Variants in CEP164 observed in about 807,000 individuals in gnomAD.
CEP164 encodes the protein centrosomal protein of 164 kDa.
Under a neutral mutation model 182.7 loss-of-function variants are expected in CEP164, and 162 were observed. That is an observed-to-expected ratio of 0.89 (90% CI 0.78 to 1.01). CEP164 has a LOEUF of 1.01. Among genes scored for constraint, CEP164 ranks in the 50% least tolerant of loss-of-function variants. The probability of loss-of-function intolerance (pLI) is 0.00; values close to 1 mark genes in which losing one functional copy is unlikely to be tolerated. For missense variants in CEP164, 1,735 were observed against 1,790.4 expected (o/e 0.97, Z 0.56); for synonymous variants, 661 against 690.0 (o/e 0.96, Z 0.66).
At chr11:117,355,165 C>T (rs1382072997) in intron 5 of CEP164, 2 of 1,289,880 alleles carry the variant, frequency 1.6e-6, no homozygotes, top group Non-Finnish European at 2.0e-6. Context: ...CTTCCCAAAT[C>T]CACCAGGTCT....
chr11:117,398,003 ACAAGGCAAGTC>A (rs2045698386), intron 27 of CEP164, among the ~76,000 whole-genome samples: 1 of 152,252 alleles, frequency 6.6e-6, no homozygotes, highest in Non-Finnish European at 1.5e-5. Context: ...CTCATCTGAG[ACAAGGCAAGTC>A]CCTTCTGCCT....
intron 5 of CEP164, among the ~76,000 whole-genome samples, chr11:117,352,344 C>A (rs897798974): frequency 2.6e-5 from 4 of 152,116 alleles, no homozygotes; most frequent in African/African-American, 9.7e-5. Flanking sequence ...TTGGCAGAGG[C>A]CAGTGAGCTG....
At chr11:117,354,897 C>T (rs760784490) in intron 5 of CEP164, 2 of 1,228,302 alleles carry the variant, frequency 1.6e-6, no homozygotes, top group South Asian at 1.4e-5. Context: ...AGTGCTTTGT[C>T]TTCGTTTTCT....
rs372037335 is a variant in CEP164 at position 117,371,479 on chromosome 11, A to G, written c.1152+13A>G. 2 of 1,598,514 alleles carry G rather than the reference A, an allele frequency of 1.3e-6. No homozygotes were observed. The highest frequency in any genetic ancestry group is 1.3e-5 in the African/African-American group (1 of 74,336). On this transcript the variant is annotated intron_variant, in intron 9 of 32. Coordinates refer to ENST00000278935, the MANE Select transcript of CEP164 (RefSeq NM_014956.5). ...AGACGCCAGCCAAGTAAGTCACTGTATCCCATAGGCAGGGGTTGGCTGTAG... is the reference window on the plus strand; with the variant it reads ...AGACGCCAGCCAAGTAAGTCACTGTGTCCCATAGGCAGGGGTTGGCTGTAG...
intron 11 of CEP164, among the ~76,000 whole-genome samples, chr11:117,379,559 A>G (rs1455349630): frequency 6.6e-6 from 1 of 151,832 alleles, no homozygotes; most frequent in Admixed American, 6.6e-5. Context: ...GAGGGAGAGG[A>G]ATGTGGGAAG....
At chr11:117,404,309 T>C (rs1000527861) in intron 27 of CEP164, among the ~76,000 whole-genome samples, 1 of 152,244 alleles carries the variant, frequency 6.6e-6, no homozygotes, top group East Asian at 1.9e-4. Context: ...CTTTGGTCTT[T>C]GATGTTGGTG....
chr11:117,390,660 T>G, intron 15 of CEP164, 117 bp from the exon 16 acceptor site: 1 of 1,297,238 alleles, frequency 7.7e-7, no homozygotes, highest in Non-Finnish European at 1.1e-6. Flanking sequence ...AAAAAAAAGA[T>G]TTAGGAAGTT....
chr11:117,369,418 T>A (rs1371131362), intron 8 of CEP164, among the ~76,000 whole-genome samples: 1 of 152,252 alleles, frequency 6.6e-6, no homozygotes, highest in East Asian at 1.9e-4. Flanking sequence ...GGGCAGCCTC[T>A]GTCTCCAAAG....
intron 19 of CEP164, 107 bp downstream of exon 19, chr11:117,392,734 C>T: frequency 6.8e-7 from 1 of 1,461,982 alleles, no homozygotes; most frequent in Non-Finnish European, 9.3e-7. Context: ...TTGGATGGCT[C>T]AGCTGGGGTT....
chr11:117,326,553 T>G (rs1032060539), upstream of CEP164, among the ~76,000 whole-genome samples: 3 of 152,222 alleles, frequency 2.0e-5, no homozygotes, highest in African/African-American at 7.2e-5. Flanking sequence ...ATTACAGATA[T>G]GAGCCACCAG....
At chr11:117,357,423 CTT>C (rs4018866) in intron 5 of CEP164, among the ~76,000 whole-genome samples, 13 of 121,540 alleles carry the variant, frequency 1.1e-4, no homozygotes, top group African/African-American at 6.0e-5. Flanking sequence ...AGTTAATATT[CTT>C]TTTTTTTTTT....
rs1458226426 is a variant in CEP164 at position 117,409,027 on chromosome 11, G to A, written c.3747G>A (p.Arg1249=). Residue 1249 remains arginine (R), a splice_region_variant and synonymous_variant, in exon 29 of 33, where the codon AGG becomes AGA. Coordinates refer to ENST00000278935, the MANE Select transcript of CEP164 (RefSeq NM_014956.5). This position sits in a 1 kb window ranked among gnomAD's most constrained non-coding sequence, Gnocchi z 4.4. ...PPHREWWRQQ[R]IDSTPSLTSR... is the part of the protein sequence containing the mutation. Reference sequence around the variant, plus strand: ...ACCGTGAGTGGTGGCGGCAGCAGAGGAGTGAGTGGGGGAGATGCGGGGTGA... The same window carrying A: ...ACCGTGAGTGGTGGCGGCAGCAGAGAAGTGAGTGGGGGAGATGCGGGGTGA... The A allele has an allele frequency of 1.2e-6, 2 of 1,614,016 alleles. No individual in the cohort carries two copies. Among genetic ancestry groups the A allele is most frequent in the Non-Finnish European group, 1.7e-6 (2 of 1,179,928 alleles).
chr11:117,411,098 G>T lies in CEP164; in HGVS notation c.4163+204G>T. 1 of 560,292 alleles carries T rather than the reference G, an allele frequency of 1.8e-6. No individual in the cohort carries two copies. Among genetic ancestry groups the T allele is most frequent in the Admixed American group, 2.8e-5 (1 of 35,208 alleles). The allele number at this position is 560,292 out of a possible 1,614,324, so 34.7% of individuals were successfully genotyped here. A position where few individuals can be genotyped will look rare whatever the true frequency, so the allele number is the denominator to read the frequency against. On this transcript the variant is annotated intron_variant, in intron 31 of 32. Transcript: ENST00000278935. This position sits in a 1 kb window ranked among gnomAD's most constrained non-coding sequence, Gnocchi z 4.4. ...ACCAGGGGAAAGTCAAGTTCACACC[G>T]CCAAGGTCCCAGTGGGGAAGGGCTG...
chr11:117,361,578 A>G (rs1326991968), intron 5 of CEP164, among the ~76,000 whole-genome samples: 2 of 151,974 alleles, frequency 1.3e-5, no homozygotes, highest in Non-Finnish European at 2.9e-5. Context: ...AACCCCACGC[A>G]GCATCTGCCA....
At chr11:117,334,625 A>G (rs1292043879) in intron 1 of CEP164, among the ~76,000 whole-genome samples, 2 of 152,068 alleles carry the variant, frequency 1.3e-5, no homozygotes, top group Non-Finnish European at 2.9e-5. Context: ...ATCTCTACTA[A>G]AAATCCAGAG....
chr11:117,404,853 A>T (rs530650785), intron 27 of CEP164, among the ~76,000 whole-genome samples: 1 of 152,290 alleles, frequency 6.6e-6, no homozygotes, highest in African/African-American at 2.4e-5. Flanking sequence ...TGGCCTGACC[A>T]CTGAGGAGGA....
At chr11:117,354,637 A>G (rs1210560667) in intron 5 of CEP164, among the ~76,000 whole-genome samples, 3 of 152,082 alleles carry the variant, frequency 2.0e-5, no homozygotes, top group Non-Finnish European at 2.9e-5. Context: ...AGATAAGGAA[A>G]CTGGAGCCTA....
intron 27 of CEP164, among the ~76,000 whole-genome samples, chr11:117,403,746 C>T (rs1028624867): frequency 3.3e-5 from 5 of 152,086 alleles, no homozygotes; most frequent in Admixed American, 6.6e-5. Context: ...TCCTGAAGAG[C>T]GTTTTCCAAC....
chr11:117,411,641 G>A lies in CEP164; in HGVS notation c.4164-154G>A. The A allele has an allele frequency of 9.5e-7, 1 of 1,050,080 alleles. No homozygotes were observed. Among genetic ancestry groups the A allele is most frequent in the South Asian group, 1.6e-5 (1 of 62,950 alleles). The allele number at this position is 1,050,080 out of a possible 1,614,324, so 65.0% of individuals were successfully genotyped here. A position where few individuals can be genotyped will look rare whatever the true frequency, so the allele number is the denominator to read the frequency against. ...TGGGAACTGTTCTGGAGGGGCAGAT[G>A]TTTTGAAGCTTTGAATTGCTAGGGA... On this transcript the variant is annotated intron_variant, in intron 31 of 32. Coordinates refer to ENST00000278935, the MANE Select transcript of CEP164 (RefSeq NM_014956.5). The surrounding 1 kb of genome is among the most constrained non-coding windows in gnomAD (Gnocchi z 4.4).
Sources: gnomAD v4.1 joint callset for allele counts (sites outside exome capture counted in the v4.1 genomes callset) on GRCh38, gnomAD v4.1.1 for gene constraint, Gnocchi (gnomAD v3.1) non-coding constraint, MANE v1.5 for transcripts, NCBI Gene and HGNC (gene_info 2026-07-23, HGNC 2026-07-21) for gene names.